LIMK2: variants seen among roughly 807,000 people sequenced by gnomAD.
LIMK2 encodes the protein LIM domain kinase 2.
Under a neutral mutation model 75.7 loss-of-function variants are expected in LIMK2, and 35 were observed. The ratio of observed to expected loss-of-function variants is 0.46; its 90% confidence interval spans 0.35 to 0.61. The LOEUF (loss-of-function observed/expected upper bound fraction) is 0.61, where lower values mean the gene tolerates loss of function less well. Among genes scored for constraint, LIMK2 ranks in the 20% least tolerant of loss-of-function variants. LIMK2 has a pLI of 0.00. For missense variants in LIMK2, 623 were observed against 831.0 expected, an observed-to-expected ratio of 0.75 and a Z score of 3.08; for synonymous variants, 301 against 319.2, an observed-to-expected ratio of 0.94 and a Z score of 0.61.
At chr22:31,278,082 C>T (rs2049050256) in intron 15 of LIMK2, among the ~76,000 whole-genome samples, 1 of 152,110 alleles carries the variant, frequency 6.6e-6, no homozygotes, top group South Asian at 2.1e-4. Flanking sequence ...GTATTAACTC[C>T]AGCTAGTCCA....
At position 31,271,547 on chromosome 22, in the gene LIMK2, G is replaced by A. The variant is rs113002725; in HGVS notation, c.1383+346G>A. Among the ~76,000 whole-genome samples, 75 of 152,262 alleles carry A rather than the reference G, an allele frequency of 4.9e-4. 3 individuals carry two copies. The highest frequency in any genetic ancestry group is 1.7e-3 in the African/African-American group (71 of 41,552). ...ATTGCTGACCCCATTTTACAGTGGT[G>A]GCACCTGAAGCCTCAGCCTGAGGCC... On this transcript the variant is annotated intron_variant, in intron 12 of 15. Transcript: ENST00000331728.
At chr22:31,248,426 G>T in intron 2 of LIMK2, 1 of 1,432,230 alleles carries the variant, frequency 7.0e-7, no homozygotes, top group Non-Finnish European at 9.2e-7. Context: ...TGTGTGTGTA[G>T]CCTCCACAGA....
intron 15 of LIMK2, among the ~76,000 whole-genome samples, chr22:31,276,162 G>C (rs921247277): frequency 6.6e-6 from 1 of 152,178 alleles, no homozygotes; most frequent in Non-Finnish European, 1.5e-5. Context: ...CTTGAACCCA[G>C]GGGCGGAGGT....
chr22:31,276,799 G>A (rs564803165), intron 15 of LIMK2: 9 of 1,609,060 alleles, frequency 5.6e-6, no homozygotes, highest in Admixed American at 3.3e-5. Flanking sequence ...AGCCCCCCCC[G>A]GGGCCGCAGG....
chr22:31,248,428 C>A, intron 2 of LIMK2: 1 of 1,437,612 alleles, frequency 7.0e-7, no homozygotes, highest in Non-Finnish European at 9.2e-7. Flanking sequence ...TGTGTGTAGC[C>A]TCCACAGAGA....
intron 2 of LIMK2, among the ~76,000 whole-genome samples, chr22:31,246,841 C>A (rs909733795): frequency 6.6e-5 from 10 of 151,804 alleles, no homozygotes; most frequent in Non-Finnish European, 7.4e-5. Context: ...CCCCTCAGAA[C>A]CTATTTCCTA....
chr22:31,243,615 G>T (rs997142145), intron 2 of LIMK2, among the ~76,000 whole-genome samples: 1 of 152,160 alleles, frequency 6.6e-6, no homozygotes, highest in Non-Finnish European at 1.5e-5. Context: ...TCAGCTCCGT[G>T]CCAGGTTTCC....
chr22:31,273,310 T>G, intron 13 of LIMK2, 142 bp from the exon 14 acceptor site: 1 of 712,888 alleles, frequency 1.4e-6, no homozygotes, highest in South Asian at 1.7e-5. Flanking sequence ...TCAGGTGGTG[T>G]CTGCGCAGGA....
chr22:31,271,494 G>GC (rs932363868), intron 12 of LIMK2, among the ~76,000 whole-genome samples: 2 of 152,096 alleles, frequency 1.3e-5, no homozygotes, highest in African/African-American at 4.8e-5. Context: ...ACCTGCTTTT[G>GC]CCCCATAGTA....
At chr22:31,268,084 G>T (rs1330655003) in intron 10 of LIMK2, 60 bp from the exon 11 acceptor site, 5 of 1,556,848 alleles carry the variant, frequency 3.2e-6, no homozygotes, top group Non-Finnish European at 4.4e-6. Flanking sequence ...GACCCATGGG[G>T]CCTGGACCAC....
At chr22:31,272,292 C>T (rs2048966562) in intron 12 of LIMK2, among the ~76,000 whole-genome samples, 1 of 144,974 alleles carries the variant, frequency 6.9e-6, no homozygotes, top group Admixed American at 7.1e-5. Context: ...CCAGGCTGGT[C>T]TTGAACTCCT....
intron 11 of LIMK2, among the ~76,000 whole-genome samples, chr22:31,270,558 G>C (rs1569001960): frequency 6.6e-6 from 1 of 152,204 alleles, no homozygotes; most frequent in African/African-American, 2.4e-5. Flanking sequence ...GTAAGAGTCA[G>C]TGGTGGAGGC....
At chr22:31,223,271 G>C (rs2048452008) in intron 1 of LIMK2, among the ~76,000 whole-genome samples, 2 of 152,094 alleles carry the variant, frequency 1.3e-5, no homozygotes, top group African/African-American at 2.4e-5. Context: ...GAATGTCTTT[G>C]GGTTTCTCAA....
At chr22:31,258,900 C>A in intron 3 of LIMK2, 1 of 500,662 alleles carries the variant, frequency 2.0e-6, no homozygotes, top group Non-Finnish European at 3.6e-6. Context: ...CTGGGGATTT[C>A]TTCTCATAAC....
chr22:31,279,197 C>G lies in LIMK2; in HGVS notation c.*756C>G, dbSNP rs189375910. ...TCTGTCTGAAACAAACAGTCACAAG[C>G]AAAGGAAGAGGCTGGGGGACTAGAA... On this transcript the variant is annotated 3_prime_UTR_variant, in exon 16 of 16. Coordinates refer to ENST00000331728, the MANE Select transcript of LIMK2 (RefSeq NM_005569.4). 1 of 152,224 alleles carries G rather than the reference C, an allele frequency of 6.6e-6. No individual in the cohort carries two copies. The highest frequency in any genetic ancestry group is 2.4e-5 in the African/African-American group (1 of 41,434). The allele number at this position is 152,224 out of a possible 1,614,324, so 9.4% of individuals were successfully genotyped here.
intron 2 of LIMK2, among the ~76,000 whole-genome samples, chr22:31,254,728 G>A (rs2048759954): frequency 6.6e-6 from 1 of 152,170 alleles, no homozygotes; most frequent in African/African-American, 2.4e-5. Flanking sequence ...GGAGGCCAAG[G>A]CGGGCAGATC....
rs1436474228 is a variant in LIMK2, at chr22:31,225,814, C to A, written c.111C>A (p.Cys37Ter). Residue 37 changes from cysteine (C) to a stop codon, truncating the protein, a stop_gained, in exon 2 of 16, where the codon TGC (cysteine) becomes TGA (stop). Transcript: ENST00000331728. LOFTEE classifies it high-confidence loss of function. ...TCAACGAAACCTGGCACGGCTCTTGCTTCCGGTAGGTGGGCCTATCCTCCC... is the reference window on the plus strand; with the variant it reads ...TCAACGAAACCTGGCACGGCTCTTGATTCCGGTAGGTGGGCCTATCCTCCC... The part of the protein sequence containing the change: ...RTVNETWHGS[C>*]FRCSECQDSL... 3 of 1,612,770 alleles carry A rather than the reference C, an allele frequency of 1.9e-6. No individual in the cohort carries two copies. The East Asian group carries it at 6.7e-5, about 36-fold the overall frequency.
At chr22:31,249,752 G>A (rs903312723) in intron 2 of LIMK2, among the ~76,000 whole-genome samples, 6 of 152,106 alleles carry the variant, frequency 3.9e-5, no homozygotes, top group Admixed American at 2.6e-4. Flanking sequence ...AGGTGGCCAG[G>A]CCCTGGGCAG....
chr22:31,272,969 A>G lies in LIMK2; in HGVS notation c.1558+265A>G, dbSNP rs530827514. On this transcript the variant is annotated intron_variant, in intron 13 of 15. Transcript: ENST00000331728. ...TCAGGGATCGCTAAGAGCTCAGGCT[A>G]TTGTCCCAGCTTTAGCCTTCTCTCT... The G allele has an allele frequency of 3.4e-5, 42 of 1,236,908 alleles. No individual in the cohort carries two copies. In the African/African-American group the frequency reaches 5.8e-4, roughly 17 times the overall value. The allele number at this position is 1,236,908 out of a possible 1,614,324, so 76.6% of individuals were successfully genotyped here. A position where few individuals can be genotyped will look rare whatever the true frequency, so the allele number is the denominator to read the frequency against.
Sources: gnomAD v4.1 joint callset for allele counts (sites outside exome capture counted in the v4.1 genomes callset) on GRCh38, gnomAD v4.1.1 for gene constraint, MANE v1.5 for transcripts, NCBI Gene and HGNC (gene_info 2026-07-23, HGNC 2026-07-21) for gene names.